Variants in PLCG2 observed in about 807,000 individuals in gnomAD.
The protein encoded by PLCG2 is phospholipase C gamma 2.
PLCG2 carries 69 observed loss-of-function variants against 175.6 expected under a neutral mutation model. That is an observed-to-expected ratio of 0.39 (90% CI 0.32 to 0.48). The LOEUF (loss-of-function observed/expected upper bound fraction) is 0.48, where lower values mean the gene tolerates loss of function less well. Ranked by LOEUF, PLCG2 falls within the 20% of genes least tolerant of loss-of-function variation. PLCG2 has a pLI of 0.91. For synonymous variants in PLCG2, 827 were observed against 624.0 expected, an observed-to-expected ratio of 1.33 and a Z score of -4.85; for missense variants, 1,798 against 1,650.9, an observed-to-expected ratio of 1.09 and a Z score of -1.54.
At chr16:81,830,423 C>T (rs960584587) in intron 2 of PLCG2, among the ~76,000 whole-genome samples, 5 of 152,134 alleles carry the variant, frequency 3.3e-5, no homozygotes, top group Non-Finnish European at 7.3e-5. Context: ...TCTTGTGCCT[C>T]AGCCTTCCAA....
intron 26 of PLCG2, chr16:81,935,693 C>T (rs1910677772): frequency 4.1e-6 from 4 of 985,348 alleles, no homozygotes; most frequent in Non-Finnish European, 4.8e-6. Context: ...GGCCTGTCCC[C>T]TTCCCTCTCC....
intron 1 of PLCG2, among the ~76,000 whole-genome samples, chr16:81,755,645 C>A (rs139638720): frequency 6.6e-6 from 1 of 152,060 alleles, no homozygotes; most frequent in African/African-American, 2.4e-5. Flanking sequence ...CGTCCCTCAG[C>A]GTCCCGAGTA....
rs368907385 is a variant in PLCG2, at chr16:81,869,306, T to A, written c.564+8T>A. 34 of 1,599,658 alleles carry A rather than the reference T, an allele frequency of 2.1e-5. No homozygotes were observed. Among genetic ancestry groups the A allele is most frequent in the Non-Finnish European group, 1.7e-5 (20 of 1,166,970 alleles). On this transcript the variant is annotated splice_region_variant and intron_variant, in intron 6 of 32. Coordinates refer to ENST00000564138, the MANE Select transcript of PLCG2 (RefSeq NM_002661.5). ...CTTAAAGATAAGTTTGTGGTAAGTT[T>A]CATGGCTCAGCCTGGGAATTTTATG...
At chr16:81,829,767 C>G (rs1045273238) in intron 2 of PLCG2, among the ~76,000 whole-genome samples, 34 of 152,166 alleles carry the variant, frequency 2.2e-4, no homozygotes, top group African/African-American at 8.0e-4. Context: ...GCCATTTTGT[C>G]CACTCTCTCC....
In PLCG2 at chr16:81,960,354, A is replaced by T. The variant is rs1911737257; in HGVS notation, c.*2356A>T. ...AGCACAGCCAATCCAGGCCAAGAAG[A>T]CTAGTAACAGGCACATTCTGAAAGA... On this transcript the variant is annotated 3_prime_UTR_variant, in exon 33 of 33. Coordinates refer to ENST00000564138, the MANE Select transcript of PLCG2 (RefSeq NM_002661.5). 1 of 219,996 alleles carries T rather than the reference A, an allele frequency of 4.5e-6. No homozygotes were observed. Among genetic ancestry groups the T allele is most frequent in the Non-Finnish European group, 9.1e-6 (1 of 109,956 alleles). 13.6% of individuals were successfully genotyped at this position (219,996 alleles called of 1,614,324 possible).
At chr16:81,789,486 G>A (rs1597319564) in intron 2 of PLCG2, among the ~76,000 whole-genome samples, 1 of 151,960 alleles carries the variant, frequency 6.6e-6, no homozygotes, top group Non-Finnish European at 1.5e-5. Context: ...ATAGGGTCTT[G>A]CTATGTTGCC....
intron 5 of PLCG2, among the ~76,000 whole-genome samples, chr16:81,867,265 G>A (rs1056827694): frequency 1.3e-5 from 2 of 152,218 alleles, no homozygotes; most frequent in East Asian, 1.9e-4. Context: ...CTCCTGCAAG[G>A]TGGGGCGAGC....
chr16:81,900,253 C>G (rs1909090006), intron 13 of PLCG2, among the ~76,000 whole-genome samples: 1 of 152,168 alleles, frequency 6.6e-6, no homozygotes, highest in Admixed American at 6.5e-5. Context: ...GTGAAGCACA[C>G]ATGGGTGCTT....
chr16:81,816,467 C>G (rs1289870433), intron 2 of PLCG2, among the ~76,000 whole-genome samples: 1 of 118,476 alleles, frequency 8.4e-6, no homozygotes, highest in South Asian at 2.9e-4. Flanking sequence ...AGAAGGAGAC[C>G]TTTTCCCTCA....
chr16:81,929,572 T>G (rs181693005), intron 24 of PLCG2, among the ~76,000 whole-genome samples: 11 of 152,224 alleles, frequency 7.2e-5, no homozygotes, highest in Admixed American at 1.3e-4. Flanking sequence ...ATTTTTGTAT[T>G]TTTAGTAGAG....
chr16:81,911,790 C>CTTTTTTTTT (rs35027472), intron 18 of PLCG2, among the ~76,000 whole-genome samples: 2 of 67,238 alleles, frequency 3.0e-5, no homozygotes, highest in Non-Finnish European at 5.3e-5. Flanking sequence ...TTTGTATTTC[C>CTTTTTTTTT]TTTTTTTTTT....
At chr16:81,877,208 A>C (rs1000775590) in intron 7 of PLCG2, among the ~76,000 whole-genome samples, 3 of 152,228 alleles carry the variant, frequency 2.0e-5, no homozygotes, top group Non-Finnish European at 4.4e-5. Context: ...TAATCCCAGC[A>C]CTTTGGGAGG....
rs760406151 is a variant in PLCG2 at position 81,936,319 on chromosome 16, A to G, written c.2993A>G (p.Asp998Gly). The change falls in exon 27 of 33, where the codon GAC (aspartate) becomes GGC (glycine). Residue 998 changes from aspartate to glycine, a missense_variant. By Grantham distance (94) the Asp-to-Gly change is moderately conservative. Coordinates refer to ENST00000564138, the MANE Select transcript of PLCG2 (RefSeq NM_002661.5). ...KGQRVDSSNY[D>G]PFRLWLCGSQ... ...CAAAGAGTTGACTCTTCAAACTACG[A>G]CCCCTTCCGCCTCTGGCTGTGCGGT... 21 of 1,613,714 alleles carry G rather than the reference A, an allele frequency of 1.3e-5. No individual in the cohort carries two copies. Among genetic ancestry groups the G allele is most frequent in the Non-Finnish European group, 4.2e-6 (5 of 1,179,984 alleles).
chr16:81,841,103 C>T (rs923493545), intron 2 of PLCG2, among the ~76,000 whole-genome samples: 6 of 152,190 alleles, frequency 3.9e-5, no homozygotes, highest in Admixed American at 6.5e-5. Flanking sequence ...CTGATTTTCG[C>T]CTCTGCTGTC....
chr16:81,961,241 G>A lies in PLCG2; in HGVS notation c.*3243G>A, dbSNP rs72829125. 4.4e-6 allele frequency: 1 copy of A among 225,386 alleles called. No individual in the cohort carries two copies. Among genetic ancestry groups the A allele is most frequent in the Admixed American group, 5.7e-5 (1 of 17,504 alleles). 14.0% of individuals were successfully genotyped at this position (225,386 alleles called of 1,614,324 possible). A position where few individuals can be genotyped will look rare whatever the true frequency, so the allele number is the denominator to read the frequency against. On this transcript the variant is annotated 3_prime_UTR_variant, in exon 33 of 33. Transcript: ENST00000564138. ...CCCATTGATGTATCTGTGTGAACAAGGATCAACATCTCCATAAATGAAATT... is the reference window on the plus strand; with the variant it reads ...CCCATTGATGTATCTGTGTGAACAAAGATCAACATCTCCATAAATGAAATT...
intron 2 of PLCG2, among the ~76,000 whole-genome samples, chr16:81,757,747 C>A (rs1299455767): frequency 3.3e-5 from 5 of 152,076 alleles, no homozygotes; most frequent in African/African-American, 1.2e-4. Flanking sequence ...ACATCATCAC[C>A]ACAATCAATT....
At position 81,919,656 on chromosome 16, in the gene PLCG2, T is replaced by C; in HGVS notation, c.2227T>C (p.Tyr743His). 1 of 1,612,646 alleles carries C rather than the reference T, an allele frequency of 6.2e-7. No individual in the cohort carries two copies. The highest frequency in any genetic ancestry group is 8.5e-7 in the Non-Finnish European group (1 of 1,178,794). Reference sequence around the variant, plus strand: ...CGTGACCCCCGAGCTCCTGGAGCGCTACAATATGGTAGGTGGTGGACTCCC... The same window carrying C: ...CGTGACCCCCGAGCTCCTGGAGCGCCACAATATGGTAGGTGGTGGACTCCC... ...YPVTPELLER[Y>H]NMERDINSLY... Residue 743 changes from tyrosine to histidine, a missense_variant, in exon 20 of 33, where the codon TAC becomes CAC. By Grantham distance (83) the Tyr-to-His change is moderately conservative. Transcript: ENST00000564138.
chr16:81,740,725 A>AAAG (rs1909572527), intron 1 of PLCG2: 1 of 12,122 alleles, frequency 8.2e-5, no homozygotes, highest in Non-Finnish European at 1.8e-4. Flanking sequence ...ACTCCATCTC[A>AAAG]AAAAAAAAAA....
intron 9 of PLCG2, 58 bp downstream of exon 9, chr16:81,883,399 A>G (rs994365713): frequency 2.9e-5 from 41 of 1,413,452 alleles, no homozygotes; most frequent in Non-Finnish European, 3.5e-5. Flanking sequence ...GCTGGGGACT[A>G]GTCTCACCCT....
Sources: gnomAD v4.1 joint callset for allele counts (sites outside exome capture counted in the v4.1 genomes callset) on GRCh38, gnomAD v4.1.1 for gene constraint, MANE v1.5 for transcripts, NCBI Gene and HGNC (gene_info 2026-07-23, HGNC 2026-07-21) for gene names.